The following BRWD1 variants were observed in gnomAD, a reference collection of about 807,000 sequenced individuals.
BRWD1 encodes bromodomain and WD repeat-containing protein 1.
BRWD1 carries 82 observed loss-of-function variants against 251.2 expected under a neutral mutation model. That is an observed-to-expected ratio of 0.33 (90% CI 0.27 to 0.39). BRWD1 has a LOEUF of 0.39. Among genes scored for constraint, BRWD1 ranks in the 10% least tolerant of loss-of-function variants. The pLI is 1.00. For synonymous variants in BRWD1, 918 were observed against 902.8 expected, an observed-to-expected ratio of 1.02 and a Z score of -0.30; for missense variants, 2,233 against 2,711.6, an observed-to-expected ratio of 0.82 and a Z score of 3.92.
chr21:39,315,850 A>G (rs902872895), upstream of BRWD1: 1 of 152,190 alleles, frequency 6.6e-6, no homozygotes, highest in Non-Finnish European at 1.5e-5. Context: ...GGGCAGAGAT[A>G]TATCAGAAGA....
At chr21:39,314,693 T>A (rs1392981686), upstream of BRWD1, 1 of 260,610 alleles carries the variant, frequency 3.8e-6, no homozygotes, top group Non-Finnish European at 7.7e-6. Flanking sequence ...CTTCCTGGAA[T>A]GCGCGTTAAC....
intron 17 of BRWD1, among the ~76,000 whole-genome samples, chr21:39,262,709 G>A (rs551641661): frequency 8.1e-4 from 123 of 151,878 alleles, no homozygotes; most frequent in African/African-American, 2.8e-3. Flanking sequence ...GCAAGACTCC[G>A]TCTCAAAAAG....
At chr21:39,314,254 C>G (rs191317684), upstream of BRWD1, 1 of 455,698 alleles carries the variant, frequency 2.2e-6, no homozygotes, top group South Asian at 1.5e-5. Flanking sequence ...CTGGCGTTGC[C>G]GGAGCGTCTG....
rs2031973770 is a variant in BRWD1 at position 39,199,112 on chromosome 21, T to C, written c.5304A>G (p.Ala1768=). ...EDSKSHDSDH[A]CNRTAGPSTS... ...TTGATGGGCCAGCAGTTCTGTTACA[T>C]GCATGATCTGAATCATGACTTTTAG... The change falls in exon 40 of 41, where the codon GCA becomes GCG. Residue 1768 remains alanine (A), a synonymous_variant. Coordinates refer to ENST00000342449, the MANE Select transcript of BRWD1 (RefSeq NM_033656.4). 1 of 1,613,936 alleles carries C rather than the reference T, an allele frequency of 6.2e-7. No individual in the cohort carries two copies. The highest frequency in any genetic ancestry group is 1.7e-5 in the Admixed American group (1 of 59,974).
At chr21:39,301,642 C>T (rs1385098954) in intron 4 of BRWD1, among the ~76,000 whole-genome samples, 2 of 152,056 alleles carry the variant, frequency 1.3e-5, no homozygotes, top group East Asian at 3.9e-4. Flanking sequence ...GTGTCTGGAC[C>T]GCTGACTTAC....
intron 13 of BRWD1, among the ~76,000 whole-genome samples, chr21:39,273,581 A>G (rs978153679): frequency 1.3e-5 from 2 of 152,122 alleles, no homozygotes; most frequent in African/African-American, 4.8e-5. Flanking sequence ...AAATAAACAT[A>G]AAAATTAGCC....
At chr21:39,198,715 A>C (rs2031950069) in intron 40 of BRWD1, 48 bp downstream of exon 40, 4 of 1,476,840 alleles carry the variant, frequency 2.7e-6, no homozygotes, top group Non-Finnish European at 3.6e-6. Context: ...GTAAGAGAAA[A>C]GGATGGTGAG....
rs1332046407 is a variant in BRWD1, at chr21:39,191,514, C to T, written c.*4745G>A. On this transcript the variant is annotated 3_prime_UTR_variant, in exon 41 of 41. Transcript: ENST00000342449. ...TGAATAGATTAATTTAGAACATTAA[C>T]GATCTTATGTGAAGTGGAAAACTAA... 5.1e-6 allele frequency: 5 copies of T among 977,930 alleles called. No individual in the cohort carries two copies. The highest frequency in any genetic ancestry group is 6.1e-6 in the Non-Finnish European group (5 of 823,486). The allele number at this position is 977,930 out of a possible 1,614,324, so 60.6% of individuals were successfully genotyped here. A position where few individuals can be genotyped will look rare whatever the true frequency, so the allele number is the denominator to read the frequency against.
At chr21:39,290,855 G>A (rs1193009794) in intron 8 of BRWD1, among the ~76,000 whole-genome samples, 1 of 152,158 alleles carries the variant, frequency 6.6e-6, no homozygotes, top group Non-Finnish European at 1.5e-5. Flanking sequence ...ATCTCAGCAA[G>A]GCACGGTGGC....
chr21:39,274,024 T>C (rs1418722778), intron 13 of BRWD1, among the ~76,000 whole-genome samples: 1 of 152,176 alleles, frequency 6.6e-6, no homozygotes, highest in Admixed American at 6.5e-5. Context: ...AAAAATCCTA[T>C]CCACAGAAAA....
At position 39,236,746 on chromosome 21, in the gene BRWD1, G is replaced by GC; in HGVS notation, c.2614dup (p.Ala872GlyfsTer22). The GC allele has an allele frequency of 6.2e-7, 1 of 1,613,908 alleles. No individual in the cohort carries two copies. The highest frequency in any genetic ancestry group is 8.5e-7 in the Non-Finnish European group (1 of 1,179,956). ...TAAAGGAGGCTGCAAATTGATGCCCGCATCAGCTGTCCAATCGGAATATCT... is the reference window on the plus strand; with the variant it reads ...TAAAGGAGGCTGCAAATTGATGCCCGCCATCAGCTGTCCAATCGGAATATCT... On this transcript the variant is annotated frameshift_variant, in exon 23 of 41. Transcript: ENST00000342449. LOFTEE classifies it high-confidence loss of function.
chr21:39,209,976 A>C lies in BRWD1; in HGVS notation c.4197+19T>G. ...CACAGATCAGGCAGTTTTTTTCAAT[A>C]AACCACATAAAAAATTACCTTTGAT... is the stretch of plus-strand genomic sequence containing the variant. On this transcript the variant is annotated intron_variant, in intron 36 of 40. Transcript: ENST00000342449. 5 of 1,605,272 alleles carry C rather than the reference A, an allele frequency of 3.1e-6. No individual in the cohort carries two copies. Among genetic ancestry groups the C allele is most frequent in the Non-Finnish European group, 2.6e-6 (3 of 1,176,202 alleles).
intron 37 of BRWD1, among the ~76,000 whole-genome samples, chr21:39,204,878 G>A (rs1386211512): frequency 2.6e-5 from 4 of 152,182 alleles, no homozygotes; most frequent in Non-Finnish European, 4.4e-5. Flanking sequence ...CAGAACTCAG[G>A]TGGTAATGCT....
chr21:39,313,057 C>T lies in BRWD1; in HGVS notation c.138+15G>A, dbSNP rs1183730554. On this transcript the variant is annotated intron_variant, in intron 3 of 40. Transcript: ENST00000342449. ...GGAGGAACCCGAGGGAGCGCGGGGA[C>T]GGGCGCGCACAGACCTGGTACTGCT... is the stretch of plus-strand genomic sequence containing the variant. The T allele has an allele frequency of 1.4e-6, 2 of 1,393,062 alleles. No homozygotes were observed. The highest frequency in any genetic ancestry group is 3.0e-5 in the African/African-American group (2 of 66,288). 86.3% of individuals were successfully genotyped at this position (1,393,062 alleles called of 1,614,324 possible).
intron 37 of BRWD1, among the ~76,000 whole-genome samples, chr21:39,202,861 T>C (rs944735032): frequency 6.6e-6 from 1 of 152,212 alleles, no homozygotes; most frequent in Non-Finnish European, 1.5e-5. Context: ...TTACGTAATA[T>C]AGGTATTCAT....
upstream of BRWD1, among the ~76,000 whole-genome samples, chr21:39,315,227 C>T (rs1335984356): frequency 1.3e-5 from 2 of 152,014 alleles, no homozygotes; most frequent in Non-Finnish European, 2.9e-5. Flanking sequence ...TGGTCTCGAA[C>T]TCCTGGCCTC....
At chr21:39,219,647 A>G (rs2033093122) in intron 29 of BRWD1, 2 of 152,204 alleles carry the variant, frequency 1.3e-5, no homozygotes, top group African/African-American at 4.8e-5. Flanking sequence ...CTCTAGAAAC[A>G]TATCCATTAA....
chr21:39,231,209 G>A (rs188456449), intron 25 of BRWD1, among the ~76,000 whole-genome samples: 143 of 152,134 alleles, frequency 9.4e-4, no homozygotes, highest in African/African-American at 3.1e-3. Flanking sequence ...AAAAAAACAC[G>A]TGTACTACTA....
intron 5 of BRWD1, chr21:39,296,699 T>C: frequency 3.5e-6 from 3 of 863,144 alleles, no homozygotes; most frequent in Non-Finnish European, 2.8e-6. Flanking sequence ...GCTCAAAGGT[T>C]CCAGGACCTT....
Sources: gnomAD v4.1 joint callset for allele counts (sites outside exome capture counted in the v4.1 genomes callset) on GRCh38, gnomAD v4.1.1 for gene constraint, MANE v1.5 for transcripts, NCBI Gene and HGNC (gene_info 2026-07-23, HGNC 2026-07-21) for gene names.